Variants in CELF2 observed in about 807,000 individuals in gnomAD.
The protein encoded by CELF2 is CUGBP Elav-like family member 2.
Under a neutral mutation model 62.6 loss-of-function variants are expected in CELF2, and 8 were observed. The ratio of observed to expected loss-of-function variants is 0.13; its 90% CI spans 0.07 to 0.23. The LOEUF (loss-of-function observed/expected upper bound fraction) is 0.23, where lower values mean the gene tolerates loss of function less well. CELF2 is among the 10% of genes least tolerant of loss of function. The pLI is 1.00. For missense variants in CELF2, 333 were observed against 671.0 expected (o/e 0.50, Z 5.56); for synonymous variants, 258 against 250.0 (o/e 1.03, Z -0.30).
the CELF2 span, among the ~76,000 whole-genome samples, chr10:10,646,643 T>C: frequency 6.6e-6 from 1 of 152,232 alleles, no homozygotes; most frequent in Non-Finnish European, 1.5e-5. Context: ...TATCCAAATC[T>C]AGTATTACTT....
chr10:10,571,568 A>G, the CELF2 span, among the ~76,000 whole-genome samples: 1 of 152,142 alleles, frequency 6.6e-6, no homozygotes, highest in African/African-American at 2.4e-5. Flanking sequence ...AATAAAAGCG[A>G]CCATGGGTTG....
intron 1 of CELF2, among the ~76,000 whole-genome samples, chr10:11,141,495 G>T (rs1314919795): frequency 2.0e-5 from 3 of 152,242 alleles, no homozygotes; most frequent in Non-Finnish European, 4.4e-5. Context: ...AACTGTAAAA[G>T]ATTTTAAGGA....
chr10:11,042,217 G>A (rs1412278234), intron 1 of CELF2, among the ~76,000 whole-genome samples: 1 of 152,208 alleles, frequency 6.6e-6, no homozygotes, highest in Non-Finnish European at 1.5e-5. Context: ...TTATTCGACA[G>A]TAGACAGTAT....
chr10:10,548,351 T>C, the CELF2 span, among the ~76,000 whole-genome samples: 1 of 152,228 alleles, frequency 6.6e-6, no homozygotes, highest in African/African-American at 2.4e-5. Flanking sequence ...CAGCTTCAAA[T>C]TCAACCTTAT....
the CELF2 span, among the ~76,000 whole-genome samples, chr10:10,616,268 A>G: frequency 5.3e-4 from 80 of 151,428 alleles, 1 homozygote; most frequent in South Asian, 0.016. Context: ...AAATGAAAGC[A>G]CTAGTACTCT....
the CELF2 span, among the ~76,000 whole-genome samples, chr10:10,764,451 C>T: frequency 1.3e-5 from 2 of 152,148 alleles, no homozygotes; most frequent in African/African-American, 2.4e-5. Flanking sequence ...AAGTTCTACA[C>T]GACTGCTCAT....
chr10:10,828,685 CA>C (rs1265105710), intron 1 of CELF2, among the ~76,000 whole-genome samples: 8 of 130,832 alleles, frequency 6.1e-5, no homozygotes, highest in South Asian at 2.6e-4. Flanking sequence ...AAGAAATCAA[CA>C]GATAAAATGG....
intron 1 of CELF2, among the ~76,000 whole-genome samples, chr10:11,119,864 T>TCCCCCCCCCCCCCCCC (rs57433204): frequency 5.4e-5 from 6 of 112,106 alleles, no homozygotes; most frequent in Admixed American, 1.8e-4. Flanking sequence ...TGATTCCGCC[T>TCCCCCCCCCCCCCCCC]CCCCCCCCCC....
rs1159415277 is a variant in CELF2, at chr10:11,333,313, C to T, written c.*4260C>T. ...TTTAATAAATATCAAAAGGAAAAAGCTGCAAGGGTGCAAAGGGCCTGTGCC... is the reference window on the plus strand; with the variant it reads ...TTTAATAAATATCAAAAGGAAAAAGTTGCAAGGGTGCAAAGGGCCTGTGCC... On this transcript the variant is annotated 3_prime_UTR_variant, in exon 13 of 13. Transcript: ENST00000633077. The T allele has an allele frequency of 6.6e-6, 1 of 152,626 alleles. No homozygotes were observed. The highest frequency in any genetic ancestry group is 2.4e-5 in the African/African-American group (1 of 41,430). The allele number at this position is 152,626 out of a possible 1,614,324, so 9.5% of individuals were successfully genotyped here. A position where few individuals can be genotyped will look rare whatever the true frequency, so the allele number is the denominator to read the frequency against.
At chr10:10,872,633 T>G (rs960847348) in intron 1 of CELF2, among the ~76,000 whole-genome samples, 1 of 151,258 alleles carries the variant, frequency 6.6e-6, no homozygotes, top group African/African-American at 2.4e-5. Flanking sequence ...AATGTAAACA[T>G]GTAAAATAAA....
chr10:10,882,080 T>C (rs1293760294), intron 1 of CELF2, among the ~76,000 whole-genome samples: 1 of 152,218 alleles, frequency 6.6e-6, no homozygotes, highest in Admixed American at 6.5e-5. Flanking sequence ...AATGCAATCG[T>C]TACCATATCC....
At chr10:10,929,897 A>C (rs1426762366) in intron 2 of CELF2, among the ~76,000 whole-genome samples, 1 of 152,226 alleles carries the variant, frequency 6.6e-6, no homozygotes, top group African/African-American at 2.4e-5. Context: ...TGATGATTCA[A>C]AAGAGAATAC....
chr10:10,982,004 G>T (rs180766377), intron 2 of CELF2, among the ~76,000 whole-genome samples: 2 of 141,476 alleles, frequency 1.4e-5, no homozygotes, highest in African/African-American at 5.4e-5. Context: ...GGCCCAGGCT[G>T]GAGTGCAATG....
Position 11,246,362 on chromosome 10 carries a change from G to A in CELF2, c.355-2791G>A, listed in dbSNP as rs2075610102. 6.6e-6 allele frequency among the ~76,000 whole-genome samples: 1 copy of A among 152,056 alleles called. No homozygotes were observed. The highest frequency in any genetic ancestry group is 1.5e-5 in the Non-Finnish European group (1 of 67,998). ...AACCTGTATAAGTCTTTCCTGTCTT[G>A]AAAGGACAGATGGGTGGCCCCCATC... On this transcript the variant is annotated intron_variant, in intron 3 of 12. Coordinates refer to ENST00000633077, the MANE Select transcript of CELF2 (RefSeq NM_001326342.2). This position sits in a 1 kb window ranked among gnomAD's most constrained non-coding sequence, Gnocchi z 4.6.
the CELF2 span, among the ~76,000 whole-genome samples, chr10:10,702,900 A>G: frequency 4.6e-5 from 7 of 152,324 alleles, no homozygotes; most frequent in Admixed American, 4.6e-4. Context: ...TAAAAATATA[A>G]CAATTTTATT....
the CELF2 span, among the ~76,000 whole-genome samples, chr10:10,470,640 A>G: frequency 6.6e-6 from 1 of 151,618 alleles, no homozygotes; most frequent in African/African-American, 2.4e-5. Flanking sequence ...TCCCTTCTTC[A>G]TTCTTCTATC....
chr10:11,251,409 C>T (rs1357451801), intron 4 of CELF2, among the ~76,000 whole-genome samples: 1 of 149,260 alleles, frequency 6.7e-6, no homozygotes, highest in Non-Finnish European at 1.5e-5. Context: ...CCACTGTGGT[C>T]CCTGAGAATC....
intron 2 of CELF2, among the ~76,000 whole-genome samples, chr10:11,209,088 G>C (rs1212216091): frequency 3.9e-5 from 6 of 152,074 alleles, no homozygotes; most frequent in Admixed American, 6.6e-5. Flanking sequence ...TGCTGTGATG[G>C]GTACTTTTTT....
chr10:10,634,051 C>A, the CELF2 span, among the ~76,000 whole-genome samples: 2 of 151,886 alleles, frequency 1.3e-5, no homozygotes, highest in Non-Finnish European at 2.9e-5. Context: ...CCTAGATTTT[C>A]CTGGAATTCT....
Sources: allele counts gnomAD v4.1 joint callset (sites outside exome capture counted in the v4.1 genomes callset), GRCh38; gene constraint gnomAD v4.1.1; non-coding constraint Gnocchi (gnomAD v3.1); transcripts MANE v1.5; gene names NCBI Gene and HGNC (gene_info 2026-07-23, HGNC 2026-07-21).